UTRN: variants seen among roughly 807,000 people sequenced by gnomAD.
The protein encoded by UTRN is utrophin.
A neutral mutation model predicts 463.9 loss-of-function variants in UTRN; 283 were observed. The observed-to-expected ratio is 0.61, with a 90% CI of 0.55 to 0.67. The LOEUF is 0.67. Ranked by LOEUF, UTRN falls within the 30% of genes least tolerant of loss-of-function variation. The pLI, the probability that UTRN is intolerant of heterozygous loss-of-function variation, is 0.00. For missense variants in UTRN, 3,922 were observed against 4,084.3 expected (o/e 0.96, Z 1.08); for synonymous variants, 1,442 against 1,431.5 (o/e 1.01, Z -0.17).
intron 51 of UTRN, chr6:144,660,360 A>T: frequency 2.2e-6 from 1 of 459,856 alleles, no homozygotes; most frequent in Non-Finnish European, 4.5e-6. Context: ...TAGATGCTCT[A>T]TTGACTCTTT....
chr6:144,541,497 T>G (rs1347602627), intron 45 of UTRN, among the ~76,000 whole-genome samples: 1 of 152,242 alleles, frequency 6.6e-6, no homozygotes, highest in African/African-American at 2.4e-5. Context: ...TTTGGTGAAT[T>G]ATGAATGTCT....
At chr6:144,403,673 T>C (rs9484874) in intron 3 of UTRN, among the ~76,000 whole-genome samples, 10,339 of 151,988 alleles carry the variant, frequency 0.068, 917 homozygotes, top group African/African-American at 0.19. Context: ...CCTTAATTCC[T>C]CCCCCACCCC....
intron 2 of UTRN, among the ~76,000 whole-genome samples, chr6:144,348,470 C>A (rs1777796590): frequency 6.6e-6 from 1 of 152,042 alleles, no homozygotes; most frequent in African/African-American, 2.4e-5. Context: ...GATCACAGGG[C>A]AGTGAGATTT....
intron 53 of UTRN, among the ~76,000 whole-genome samples, chr6:144,701,168 A>C (rs1242425792): frequency 6.6e-6 from 1 of 152,118 alleles, no homozygotes; most frequent in African/African-American, 2.4e-5. Flanking sequence ...CGGCCTCCCA[A>C]AGTGCTGGGA....
chr6:144,538,967 TATATTAGG>T (rs1797773084), intron 44 of UTRN, among the ~76,000 whole-genome samples: 1 of 152,158 alleles, frequency 6.6e-6, no homozygotes, highest in Non-Finnish European at 1.5e-5. Flanking sequence ...GGTGGAACAG[TATATTAGG>T]ATGGAGTAGC....
chr6:144,501,212 G>A (rs1794145976), intron 34 of UTRN, among the ~76,000 whole-genome samples: 1 of 152,200 alleles, frequency 6.6e-6, no homozygotes, highest in Admixed American at 6.5e-5. Context: ...TGAGGGAAAT[G>A]AGCATTGCAA....
At chr6:144,664,872 A>G (rs1413236989) in intron 51 of UTRN, among the ~76,000 whole-genome samples, 1 of 151,368 alleles carries the variant, frequency 6.6e-6, no homozygotes, top group Non-Finnish European at 1.5e-5. Context: ...TTATTATTTA[A>G]GTAATATATA....
intron 52 of UTRN, among the ~76,000 whole-genome samples, chr6:144,685,934 A>T (rs1040410136): frequency 1.3e-5 from 2 of 151,902 alleles, no homozygotes; most frequent in African/African-American, 4.8e-5. Context: ...CTACATTTGC[A>T]TTTGCTTTTG....
chr6:144,789,097 G>T lies in UTRN; in HGVS notation c.8835-97G>T, dbSNP rs1021665796. ...GCATCTTTAAGATACAATTATTTTTGATGGTTTACCCCCAAGAAAATAGAT... is the reference window on the plus strand; with the variant it reads ...GCATCTTTAAGATACAATTATTTTTTATGGTTTACCCCCAAGAAAATAGAT... On this transcript the variant is annotated intron_variant, in intron 61 of 74. Transcript: ENST00000367545. The T allele has an allele frequency of 1.3e-5, 12 of 944,256 alleles. No homozygotes were observed. In the East Asian group the frequency reaches 2.0e-4, roughly 16 times the overall value. 58.5% of individuals were successfully genotyped at this position (944,256 alleles called of 1,614,324 possible). A position where few individuals can be genotyped will look rare whatever the true frequency, so the allele number is the denominator to read the frequency against.
chr6:144,644,184 A>G (rs1035812933), intron 51 of UTRN, among the ~76,000 whole-genome samples: 3 of 152,210 alleles, frequency 2.0e-5, no homozygotes, highest in African/African-American at 7.2e-5. Flanking sequence ...ATGCTTGTTA[A>G]GTAAAAATTC....
intron 34 of UTRN, among the ~76,000 whole-genome samples, chr6:144,508,398 C>G (rs1443141822): frequency 6.6e-6 from 1 of 152,204 alleles, no homozygotes; most frequent in East Asian, 1.9e-4. Context: ...GAGGGAATCT[C>G]CGGGTCTGTA....
intron 66 of UTRN, among the ~76,000 whole-genome samples, chr6:144,823,755 G>A (rs1183350119): frequency 6.6e-6 from 1 of 152,086 alleles, no homozygotes; most frequent in African/African-American, 2.4e-5. Flanking sequence ...TGAGGAACAA[G>A]CTAAAATAGT....
intron 22 of UTRN, among the ~76,000 whole-genome samples, chr6:144,461,767 C>A (rs75314951): frequency 0.01 from 1,590 of 152,272 alleles, 15 homozygotes; most frequent in Middle Eastern, 0.024. Context: ...ACACTTGGCC[C>A]ACACTGGGTT....
chr6:144,342,552 A>C (rs1777225333), intron 2 of UTRN, among the ~76,000 whole-genome samples: 1 of 152,204 alleles, frequency 6.6e-6, no homozygotes, highest in Non-Finnish European at 1.5e-5. Flanking sequence ...AAATAAATGA[A>C]ATACCCATAC....
intron 2 of UTRN, among the ~76,000 whole-genome samples, chr6:144,297,031 A>G (rs1322447): frequency 0.29 from 44,129 of 152,054 alleles, 9,404 homozygotes; most frequent in African/African-American, 0.61. Context: ...TGTTTCTGAC[A>G]TGAATTCCTT....
At chr6:144,633,779 C>T (rs1776805425) in intron 51 of UTRN, among the ~76,000 whole-genome samples, 1 of 152,190 alleles carries the variant, frequency 6.6e-6, no homozygotes, top group African/African-American at 2.4e-5. Flanking sequence ...TTTTCCTTCC[C>T]TTCGGTATGA....
intron 53 of UTRN, among the ~76,000 whole-genome samples, chr6:144,727,313 A>G (rs1467611545): frequency 6.6e-6 from 1 of 152,154 alleles, no homozygotes; most frequent in African/African-American, 2.4e-5. Context: ...CATTGTGTGA[A>G]TTCTTCCTCC....
In UTRN at chr6:144,745,716, G is replaced by A. The variant is rs145473324; in HGVS notation, c.7940-2530G>A. Among the ~76,000 whole-genome samples the A allele has an allele frequency of 2.6e-3, 398 of 152,280 alleles. 3 individuals are homozygous for A. The highest frequency in any genetic ancestry group is 9.0e-3 in the African/African-American group (375 of 41,564). On this transcript the variant is annotated intron_variant, in intron 54 of 74. Transcript: ENST00000367545. ...GAACCCATGGGCCTCCCTGTGCCAAGTTATTTAATGTCTGACAGAATGAGT... is the reference window on the plus strand; with the variant it reads ...GAACCCATGGGCCTCCCTGTGCCAAATTATTTAATGTCTGACAGAATGAGT...
At chr6:144,761,867 G>A (rs1792727709) in intron 58 of UTRN, among the ~76,000 whole-genome samples, 1 of 152,058 alleles carries the variant, frequency 6.6e-6, no homozygotes, top group South Asian at 2.1e-4. Flanking sequence ...TTTGGGTTCG[G>A]TTGAACTTTC....
Sources: allele counts gnomAD v4.1 joint callset (sites outside exome capture counted in the v4.1 genomes callset), GRCh38; gene constraint gnomAD v4.1.1; transcripts MANE v1.5; gene names NCBI Gene and HGNC (gene_info 2026-07-23, HGNC 2026-07-21).